The following OR10Z1 variants were observed in gnomAD, a reference collection of about 807,000 sequenced individuals.
The protein encoded by OR10Z1 is olfactory receptor 10Z1.
For synonymous variants in OR10Z1, 187 were observed against 151.2 expected, an observed-to-expected ratio of 1.24 and a Z score of -1.74; for missense variants, 468 against 371.0, an observed-to-expected ratio of 1.26 and a Z score of -2.15.
rs766801586 is a variant in OR10Z1, at chr1:158,606,550, ACT to A, written c.115_116del (p.Leu39AspfsTer14). On this transcript the variant is annotated frameshift_variant, in exon 2 of 2. Transcript: ENST00000641002. LOFTEE classifies it low-confidence loss of function (END_TRUNC). The stretch of plus-strand genomic sequence containing the variant: ...CTTGTTCCTCTCTCTGTATCTAGTC[ACT>A]CTGACCAGCAATGTCTTCATTATCA... ...FALFLSLYLV[T>X]LTSNVFIIIA... The A allele has an allele frequency of 3.7e-6, 6 of 1,613,408 alleles. No homozygotes were observed. The East Asian group carries it at 1.3e-4, about 36-fold the overall frequency.
In OR10Z1 at chr1:158,609,272, A is replaced by C. The variant is rs1158498464; in HGVS notation, c.*1892A>C. 6.6e-6 allele frequency: 1 copy of C among 152,172 alleles called. No individual in the cohort carries two copies. Among genetic ancestry groups the C allele is most frequent in the African/African-American group, 2.4e-5 (1 of 41,448 alleles). 9.4% of individuals were successfully genotyped at this position (152,172 alleles called of 1,614,324 possible). The stretch of plus-strand genomic sequence containing the variant: ...CATCCTCTAATTGGAATTTGATGAA[A>C]ACAATTTGAGAGGAAGGAAGCTAGA... On this transcript the variant is annotated 3_prime_UTR_variant, in exon 2 of 2. Transcript: ENST00000641002.
rs1393646976 is a variant in OR10Z1, at chr1:158,606,774, C to T, written c.336C>T (p.Cys112=). 2.5e-6 allele frequency: 4 copies of T among 1,614,104 alleles called. No individual in the cohort carries two copies. Among genetic ancestry groups the T allele is most frequent in the Non-Finnish European group, 2.5e-6 (3 of 1,179,984 alleles). Reference sequence around the variant, plus strand: ...CTGCCTCATGGGCCTGTACTAACTGCTTCCTTCTGGCTGCCATGGGCTTTG... The same window carrying T: ...CTGCCTCATGGGCCTGTACTAACTGTTTCCTTCTGGCTGCCATGGGCTTTG... ...FFSASWACTN[C]FLLAAMGFDR... The change falls in exon 2 of 2, where the codon TGC becomes TGT. Residue 112 remains cysteine, a synonymous_variant. Transcript: ENST00000641002.
Position 158,606,501 on chromosome 1 carries a change from G to C in OR10Z1, c.63G>C (p.Gly21=). 6.2e-7 allele frequency: 1 copy of C among 1,613,954 alleles called. No homozygotes were observed. Among genetic ancestry groups the C allele is most frequent in the South Asian group, 1.1e-5 (1 of 91,072 alleles). Residue 21 remains glycine (G), a synonymous_variant, in exon 2 of 2, where the codon GGG becomes GGC. Transcript: ENST00000641002. ...TCTTCCTGGGCTTCTCCAGTTCTGG[G>C]GAGTTGCAGCTCCTTCTCTTTGCCT... ...DFVFLGFSSS[G]ELQLLLFALF...
In OR10Z1 at chr1:158,609,494, A is replaced by G. The variant is rs918886359; in HGVS notation, c.*2114A>G. ...GCCCAGCATAACATTGACTAAATGC[A>G]CAGTGACGAATGGTTAGTAAGGATG... On this transcript the variant is annotated 3_prime_UTR_variant, in exon 2 of 2. Transcript: ENST00000641002. 6.6e-6 allele frequency: 1 copy of G among 152,182 alleles called. No homozygotes were observed. Among genetic ancestry groups the G allele is most frequent in the African/African-American group, 2.4e-5 (1 of 41,452 alleles). 9.4% of individuals were successfully genotyped at this position (152,182 alleles called of 1,614,324 possible).
At position 158,607,423 on chromosome 1, in the gene OR10Z1, T is replaced by A. The variant is rs773081747; in HGVS notation, c.*43T>A. On this transcript the variant is annotated 3_prime_UTR_variant, in exon 2 of 2. Coordinates refer to ENST00000641002, the MANE Select transcript of OR10Z1 (RefSeq NM_001004478.2). ...CACTTTCTTCTGTGTAGGCTGGGCA[T>A]AGACCAAGAACCCAAGCCAAAGGGC... The A allele has an allele frequency of 2.0e-5, 30 of 1,503,710 alleles. No individual in the cohort carries two copies. The highest frequency in any genetic ancestry group is 2.5e-5 in the Non-Finnish European group (28 of 1,098,608). 93.1% of individuals were successfully genotyped at this position (1,503,710 alleles called of 1,614,324 possible). A position where few individuals can be genotyped will look rare whatever the true frequency, so the allele number is the denominator to read the frequency against.
rs1649024661 is a variant in OR10Z1 at position 158,605,359 on chromosome 1, A to G, written c.-156A>G. The stretch of plus-strand genomic sequence containing the variant: ...TAGTGCATGGGAGCTAAAAGGCAGG[A>G]CTTGCTTTGTGAGCCTCTTCAGGTC... On this transcript the variant is annotated 5_prime_UTR_variant, in exon 1 of 2. Coordinates refer to ENST00000641002, the MANE Select transcript of OR10Z1 (RefSeq NM_001004478.2). The G allele has an allele frequency of 6.5e-6, 1 of 152,764 alleles. No homozygotes were observed. The highest frequency in any genetic ancestry group is 2.4e-5 in the African/African-American group (1 of 41,458). The allele number at this position is 152,764 out of a possible 1,614,324, so 9.5% of individuals were successfully genotyped here.
chr1:158,610,302 C>T lies in OR10Z1; in HGVS notation c.*2922C>T, dbSNP rs942372129. ...TGCAGAACGCTAGCAGTTTTATACA[C>T]AGCAATTAAGATATCTAAGAATTCT... is the stretch of plus-strand genomic sequence containing the variant. On this transcript the variant is annotated 3_prime_UTR_variant, in exon 2 of 2. Transcript: ENST00000641002. 25 of 152,098 alleles carry T rather than the reference C, an allele frequency of 1.6e-4. No homozygotes were observed. Among genetic ancestry groups the T allele is most frequent in the African/African-American group, 6.0e-4 (25 of 41,420 alleles). The allele number at this position is 152,098 out of a possible 1,614,324, so 9.4% of individuals were successfully genotyped here.
rs1649298079 is a variant in OR10Z1 at position 158,612,217 on chromosome 1, C to G, written c.*4837C>G. The stretch of plus-strand genomic sequence containing the variant: ...CACACACTTGCCTTTGCCTGAAACA[C>G]TTAGGCTTTCCTTTGATGACTTGAT... On this transcript the variant is annotated 3_prime_UTR_variant, in exon 2 of 2. Coordinates refer to ENST00000641002, the MANE Select transcript of OR10Z1 (RefSeq NM_001004478.2). 6.4e-6 allele frequency: 1 copy of G among 157,184 alleles called. No homozygotes were observed. Among genetic ancestry groups the G allele is most frequent in the African/African-American group, 2.4e-5 (1 of 41,470 alleles). The allele number at this position is 157,184 out of a possible 1,614,324, so 9.7% of individuals were successfully genotyped here.
rs1453600572 is a variant in OR10Z1, at chr1:158,606,388, A to C, written c.-51A>C. ...CACCTTTTAAAGAAGTTAGGCATCT[A>C]CTGGCAAGGTGGAAGAAATCAACAA... On this transcript the variant is annotated 5_prime_UTR_variant, in exon 2 of 2. Transcript: ENST00000641002. 3 of 1,166,518 alleles carry C rather than the reference A, an allele frequency of 2.6e-6. No homozygotes were observed. The highest frequency in any genetic ancestry group is 3.7e-6 in the Non-Finnish European group (3 of 804,930). 72.3% of individuals were successfully genotyped at this position (1,166,518 alleles called of 1,614,324 possible). A position where few individuals can be genotyped will look rare whatever the true frequency, so the allele number is the denominator to read the frequency against.
In OR10Z1 at chr1:158,606,890, C is replaced by T. The variant is rs1649065835; in HGVS notation, c.452C>T (p.Thr151Ile). ...CAGCTGGTCATTACTTCCTTCCTGACTGGATACCTCTTTGGACTGGGAATG... is the reference window on the plus strand; with the variant it reads ...CAGCTGGTCATTACTTCCTTCCTGATTGGATACCTCTTTGGACTGGGAATG... ...CAQLVITSFL[T>I]GYLFGLGMTL... Residue 151 changes from threonine (T) to isoleucine (I), a missense_variant, in exon 2 of 2, where the codon ACT (threonine) becomes ATT (isoleucine). Physicochemically the swap from Thr to Ile is moderately conservative, Grantham distance 89. Transcript: ENST00000641002. The T allele has an allele frequency of 1.2e-6, 2 of 1,613,940 alleles. No homozygotes were observed. The highest frequency in any genetic ancestry group is 2.7e-5 in the African/African-American group (2 of 74,920).
At position 158,611,817 on chromosome 1, in the gene OR10Z1, T is replaced by A. The variant is rs1557916382; in HGVS notation, c.*4437T>A. The A allele has an allele frequency of 5.2e-6, 1 of 190,632 alleles. No individual in the cohort carries two copies. Among genetic ancestry groups the A allele is most frequent in the East Asian group, 1.5e-4 (1 of 6,596 alleles). 11.8% of individuals were successfully genotyped at this position (190,632 alleles called of 1,614,324 possible). ...TTACACTGCCAGAAAGTGGTAGAGC[T>A]GGGACTTGAACCTATGATCCTCTTA... On this transcript the variant is annotated 3_prime_UTR_variant, in exon 2 of 2. Coordinates refer to ENST00000641002, the MANE Select transcript of OR10Z1 (RefSeq NM_001004478.2).
At position 158,606,583 on chromosome 1, in the gene OR10Z1, A is replaced by G. The variant is rs868217371; in HGVS notation, c.145A>G (p.Ile49Val). ...LTSNVFIIIA[I>V]RLDSHLHTPM... Reference sequence around the variant, plus strand: ...CAGCAATGTCTTCATTATCATAGCCATCAGGCTGGATAGCCATCTGCACAC... The same window carrying G: ...CAGCAATGTCTTCATTATCATAGCCGTCAGGCTGGATAGCCATCTGCACAC... The change falls in exon 2 of 2, where the codon ATC becomes GTC. Residue 49 changes from isoleucine to valine, a missense_variant. By Grantham distance (29) the Ile-to-Val change is conservative. Coordinates refer to ENST00000641002, the MANE Select transcript of OR10Z1 (RefSeq NM_001004478.2). 1.9e-6 allele frequency: 3 copies of G among 1,613,802 alleles called. No homozygotes were observed. In the African/African-American group the frequency reaches 4.0e-5, roughly 22 times the overall value.
At position 158,606,988 on chromosome 1, in the gene OR10Z1, G is replaced by T. The variant is rs1444064333; in HGVS notation, c.550G>T (p.Val184Leu). Residue 184 changes from valine (V) to leucine (L), a missense_variant, in exon 2 of 2, where the codon GTG becomes TTG. Physicochemically the swap from Val to Leu is conservative, Grantham distance 32. Transcript: ENST00000641002. ...GCACTTTTTTTGTGACACGCCACCTGTGCTGAGCCTAGCCTGTGGAGATAC... is the reference window on the plus strand; with the variant it reads ...GCACTTTTTTTGTGACACGCCACCTTTGCTGAGCCTAGCCTGTGGAGATAC... The part of the protein sequence containing the change: ...IQHFFCDTPP[V>L]LSLACGDTGP... 1.9e-6 allele frequency: 3 copies of T among 1,614,056 alleles called. No homozygotes were observed. In the Admixed American group the frequency reaches 5.0e-5, roughly 27 times the overall value.
chr1:158,606,874 A>G lies in OR10Z1; in HGVS notation c.436A>G (p.Ile146Val). The change falls in exon 2 of 2, where the codon ATT becomes GTT. Residue 146 changes from isoleucine to valine, a missense_variant. Coordinates refer to ENST00000641002, the MANE Select transcript of OR10Z1 (RefSeq NM_001004478.2). ...MNPTLCAQLV[I>V]TSFLTGYLFG... Reference sequence around the variant, plus strand: ...TCCTACCCTCTGTGCCCAGCTGGTCATTACTTCCTTCCTGACTGGATACCT... The same window carrying G: ...TCCTACCCTCTGTGCCCAGCTGGTCGTTACTTCCTTCCTGACTGGATACCT... 2 of 1,613,918 alleles carry G rather than the reference A, an allele frequency of 1.2e-6. No individual in the cohort carries two copies. The highest frequency in any genetic ancestry group is 2.2e-5 in the South Asian group (2 of 91,064).
rs1393543033 is a variant in OR10Z1, at chr1:158,608,192, T to G, written c.*812T>G. On this transcript the variant is annotated 3_prime_UTR_variant, in exon 2 of 2. Transcript: ENST00000641002. ...AATGTTCCCTGGTAGCTTCAGAATC[T>G]TGAGTGTCAAAGACCTTTCTCATTT... 1.3e-5 allele frequency: 2 copies of G among 152,206 alleles called. No individual in the cohort carries two copies. Among genetic ancestry groups the G allele is most frequent in the Non-Finnish European group, 2.9e-5 (2 of 68,026 alleles). 9.4% of individuals were successfully genotyped at this position (152,206 alleles called of 1,614,324 possible).
At position 158,610,463 on chromosome 1, in the gene OR10Z1, T is replaced by G. The variant is rs1220011208; in HGVS notation, c.*3083T>G. 2 of 152,174 alleles carry G rather than the reference T, an allele frequency of 1.3e-5. No homozygotes were observed. The highest frequency in any genetic ancestry group is 2.9e-5 in the Non-Finnish European group (2 of 68,028). The allele number at this position is 152,174 out of a possible 1,614,324, so 9.4% of individuals were successfully genotyped here. On this transcript the variant is annotated 3_prime_UTR_variant, in exon 2 of 2. Transcript: ENST00000641002. ...TTTTTTTAAAATTAATTCTTAATTT[T>G]ATAAATAATTCTATTAACTGTTACT...
rs201007602 is a variant in OR10Z1 at position 158,606,982 on chromosome 1, C to T, written c.544C>T (p.Pro182Ser). The part of the protein sequence containing the change: ...HEIQHFFCDT[P>S]PVLSLACGDT... ...AATCCAGCACTTTTTTTGTGACACGCCACCTGTGCTGAGCCTAGCCTGTGG... is the reference window on the plus strand; with the variant it reads ...AATCCAGCACTTTTTTTGTGACACGTCACCTGTGCTGAGCCTAGCCTGTGG... The change falls in exon 2 of 2, where the codon CCA (proline) becomes TCA (serine). Residue 182 changes from proline (P) to serine (S), a missense_variant. By Grantham distance (74) the Pro-to-Ser change is moderately conservative (BLOSUM62 -1). Transcript: ENST00000641002. The T allele has an allele frequency of 4.8e-5, 78 of 1,614,038 alleles. 1 individual carries two copies. Among genetic ancestry groups the T allele is most frequent in the African/African-American group, 6.7e-5 (5 of 75,030 alleles).
rs779308725 is a variant in OR10Z1, at chr1:158,607,383, G to T, written c.*3G>T. The T allele has an allele frequency of 4.4e-6, 7 of 1,605,384 alleles. No homozygotes were observed. Among genetic ancestry groups the T allele is most frequent in the East Asian group, 2.2e-5 (1 of 44,820 alleles). On this transcript the variant is annotated 3_prime_UTR_variant, in exon 2 of 2. Transcript: ENST00000641002. ...GGAGATTGCTGGGTAAAGGATGAAG[G>T]TTACCCCAATAGGACACTTTCTTCT... is the stretch of plus-strand genomic sequence containing the variant.
Position 158,609,987 on chromosome 1 carries a change from T to C in OR10Z1, c.*2607T>C, listed in dbSNP as rs927630734. The C allele has an allele frequency of 6.6e-6, 1 of 152,210 alleles. No homozygotes were observed. Among genetic ancestry groups the C allele is most frequent in the African/African-American group, 2.4e-5 (1 of 41,454 alleles). 9.4% of individuals were successfully genotyped at this position (152,210 alleles called of 1,614,324 possible). A position where few individuals can be genotyped will look rare whatever the true frequency, so the allele number is the denominator to read the frequency against. On this transcript the variant is annotated 3_prime_UTR_variant, in exon 2 of 2. Coordinates refer to ENST00000641002, the MANE Select transcript of OR10Z1 (RefSeq NM_001004478.2). ...TATATCTTTTCTAACTGTACTATTT[T>C]TGGTAACTTATAATCAGGCAATTTA... is the stretch of plus-strand genomic sequence containing the variant.
Sources: allele counts gnomAD v4.1 joint callset, GRCh38; gene constraint gnomAD v4.1.1; transcripts MANE v1.5; gene names NCBI Gene and HGNC (gene_info 2026-07-23, HGNC 2026-07-21).